The following AIF1L variants were observed in gnomAD, a reference collection of about 807,000 sequenced individuals.
AIF1L encodes allograft inflammatory factor 1 like.
AIF1L carries 12 observed loss-of-function variants against 20.7 expected under a neutral mutation model. The observed-to-expected ratio is 0.58, with a 90% CI of 0.37 to 0.94. The LOEUF is 0.94. AIF1L is among the 40% of genes least tolerant of loss of function. AIF1L has a pLI of 0.01. For synonymous variants in AIF1L, 76 were observed against 65.1 expected (o/e 1.17, Z -0.81); for missense variants, 173 against 185.3 (o/e 0.93, Z 0.39).
rs573021828 is a variant in AIF1L, at chr9:131,111,683, C to T, written c.160+20C>T. Reference sequence around the variant, plus strand: ...TCAAAGGTAAGCTGGGGCGGGCTGCCCTGCATTTATTCCTGGGGGAGGTGG... The same window carrying T: ...TCAAAGGTAAGCTGGGGCGGGCTGCTCTGCATTTATTCCTGGGGGAGGTGG... On this transcript the variant is annotated intron_variant, in intron 3 of 5. Transcript: ENST00000247291. The T allele has an allele frequency of 6.2e-7, 1 of 1,611,856 alleles. No homozygotes were observed. Among genetic ancestry groups the T allele is most frequent in the African/African-American group, 1.3e-5 (1 of 75,012 alleles).
intron 2 of AIF1L, among the ~76,000 whole-genome samples, chr9:131,101,137 C>T (rs1179042362): frequency 1.3e-5 from 2 of 152,070 alleles, no homozygotes; most frequent in East Asian, 3.9e-4. Flanking sequence ...ACCTCGTGAT[C>T]CGCCCCCCTC....
intron 2 of AIF1L, among the ~76,000 whole-genome samples, chr9:131,098,957 G>A (rs942828830): frequency 2.0e-5 from 3 of 152,190 alleles, no homozygotes; most frequent in Admixed American, 2.0e-4. Context: ...GAGGCGCCAG[G>A]ATCACACGGG....
At chr9:131,102,246 G>A (rs7030817) in intron 2 of AIF1L, among the ~76,000 whole-genome samples, 2,497 of 152,224 alleles carry the variant, frequency 0.016, 77 homozygotes, top group African/African-American at 0.058. Flanking sequence ...CATGTCATCT[G>A]CACTGGGAAG....
rs548343527 is a variant in AIF1L at position 131,117,811 on chromosome 9, G to A, written c.258G>A (p.Leu86=). 1 of 1,614,086 alleles carries A rather than the reference G, an allele frequency of 6.2e-7. No individual in the cohort carries two copies. Among genetic ancestry groups the A allele is most frequent in the African/African-American group, 1.3e-5 (1 of 75,046 alleles). Reference sequence around the variant, plus strand: ...AGCTTGGTGTCCCCAAGACCCACCTGGAGATGAAGAAGATGATCTCAGAGG... The same window carrying A: ...AGCTTGGTGTCCCCAAGACCCACCTAGAGATGAAGAAGATGATCTCAGAGG... ...MEKLGVPKTH[L]EMKKMISEVT... The change falls in exon 5 of 6, where the codon CTG becomes CTA. Residue 86 remains leucine, a synonymous_variant. Coordinates refer to ENST00000247291, the MANE Select transcript of AIF1L (RefSeq NM_031426.4).
chr9:131,105,112 T>G (rs1471147207), intron 2 of AIF1L, among the ~76,000 whole-genome samples: 1 of 152,116 alleles, frequency 6.6e-6, no homozygotes, highest in Admixed American at 6.5e-5. Context: ...GGGGGGAGGA[T>G]GCCTGCAGGG....
intron 3 of AIF1L, among the ~76,000 whole-genome samples, chr9:131,112,619 G>C (rs1480135609): frequency 6.6e-6 from 1 of 152,194 alleles, no homozygotes. Context: ...GGGCGGGGTT[G>C]TTGGCATGGG....
intron 2 of AIF1L, among the ~76,000 whole-genome samples, chr9:131,100,229 A>T (rs1830607764): frequency 6.6e-6 from 1 of 152,182 alleles, no homozygotes; most frequent in Non-Finnish European, 1.5e-5. Flanking sequence ...ATTATAAGGG[A>T]TTCAAGAGTA....
At position 131,120,749 on chromosome 9, in the gene AIF1L, G is replaced by C. The variant is rs1831118799; in HGVS notation, c.*427G>C. On this transcript the variant is annotated 3_prime_UTR_variant, in exon 6 of 6. Coordinates refer to ENST00000247291, the MANE Select transcript of AIF1L (RefSeq NM_031426.4). ...CCACTCTGAGAAGACCTTGGAGTAG[G>C]GACAAGGCTGCAGGGCCTCTTTCGG... is the stretch of plus-strand genomic sequence containing the variant. 1 of 319,898 alleles carries C rather than the reference G, an allele frequency of 3.1e-6. No individual in the cohort carries two copies. Among genetic ancestry groups the C allele is most frequent in the South Asian group, 9.4e-5 (1 of 10,668 alleles). 19.8% of individuals were successfully genotyped at this position (319,898 alleles called of 1,614,324 possible). A position where few individuals can be genotyped will look rare whatever the true frequency, so the allele number is the denominator to read the frequency against.
intron 2 of AIF1L, among the ~76,000 whole-genome samples, chr9:131,105,959 C>T (rs537855748): frequency 1.3e-4 from 20 of 152,104 alleles, no homozygotes; most frequent in African/African-American, 4.6e-4. Context: ...GCTGGGACTA[C>T]AGGCACGCAC....
chr9:131,120,087 G>A, intron 5 of AIF1L, 148 bp from the exon 6 acceptor site: 1 of 690,790 alleles, frequency 1.4e-6, no homozygotes, highest in Non-Finnish European at 2.4e-6. Flanking sequence ...CTGCTGTCTT[G>A]GGCTTCTGCA....
Position 131,096,607 on chromosome 9 carries a change from C to T in AIF1L, c.-23C>T, listed in dbSNP as rs1254080790. The T allele has an allele frequency of 1.3e-6, 2 of 1,484,680 alleles. No homozygotes were observed. The highest frequency in any genetic ancestry group is 2.9e-5 in the East Asian group (1 of 34,328). 92.0% of individuals were successfully genotyped at this position (1,484,680 alleles called of 1,614,324 possible). On this transcript the variant is annotated 5_prime_UTR_variant, in exon 1 of 6. Coordinates refer to ENST00000247291, the MANE Select transcript of AIF1L (RefSeq NM_031426.4). ...CTCGCCGCGTCCGCGAAGCCTGGAG[C>T]CGGCGGGAGCCCCGCGCTCGCCATG...
chr9:131,110,167 G>A (rs1830843276), intron 2 of AIF1L, among the ~76,000 whole-genome samples: 2 of 152,172 alleles, frequency 1.3e-5, no homozygotes, highest in Admixed American at 6.5e-5. Context: ...AGCTGAGATT[G>A]CATCACTGCA....
At chr9:131,101,125 T>G (rs1213249779) in intron 2 of AIF1L, among the ~76,000 whole-genome samples, 5 of 151,990 alleles carry the variant, frequency 3.3e-5, no homozygotes, top group Non-Finnish European at 7.4e-5. Flanking sequence ...CTCAAACCCC[T>G]GACCTCGTGA....
intron 2 of AIF1L, among the ~76,000 whole-genome samples, chr9:131,100,929 G>C (rs891853809): frequency 2.0e-5 from 3 of 152,070 alleles, no homozygotes; most frequent in Non-Finnish European, 4.4e-5. Context: ...ACGGCGTCTC[G>C]CTCTGTCACC....
chr9:131,106,549 G>A (rs898260908), intron 2 of AIF1L, among the ~76,000 whole-genome samples: 9 of 152,130 alleles, frequency 5.9e-5, no homozygotes, highest in African/African-American at 2.2e-4. Flanking sequence ...TTGGGAGGCC[G>A]AGGCAGGCAG....
At chr9:131,110,946 C>CG (rs1400124362) in intron 2 of AIF1L, among the ~76,000 whole-genome samples, 11 of 149,674 alleles carry the variant, frequency 7.3e-5, no homozygotes, top group South Asian at 2.2e-4. Context: ...GGGGTGGGAG[C>CG]GGGGGGATCA....
chr9:131,121,132 G>C lies in AIF1L; in HGVS notation c.*810G>C, dbSNP rs1030707056. 5 of 713,970 alleles carry C rather than the reference G, an allele frequency of 7.0e-6. No homozygotes were observed. The highest frequency in any genetic ancestry group is 2.0e-5 in the Admixed American group (1 of 49,554). The allele number at this position is 713,970 out of a possible 1,614,324, so 44.2% of individuals were successfully genotyped here. On this transcript the variant is annotated 3_prime_UTR_variant, in exon 6 of 6. Coordinates refer to ENST00000247291, the MANE Select transcript of AIF1L (RefSeq NM_031426.4). The stretch of plus-strand genomic sequence containing the variant: ...TTAGGGAGGTTACTGAGGGGACCAG[G>C]ATGGGAGAATGAGGAGTAAAATGCT...
At chr9:131,096,908 C>G in intron 2 of AIF1L, 45 bp downstream of exon 2, 1 of 1,493,140 alleles carries the variant, frequency 6.7e-7, no homozygotes, top group Non-Finnish European at 8.9e-7. Flanking sequence ...GAGCCGCGCG[C>G]TGCGCGGGTG....
intron 2 of AIF1L, among the ~76,000 whole-genome samples, chr9:131,102,073 C>A (rs1027030591): frequency 6.6e-6 from 1 of 152,046 alleles, no homozygotes; most frequent in African/African-American, 2.4e-5. Flanking sequence ...CCCACCACCA[C>A]GGCTAATTTT....
Sources: gnomAD v4.1 joint callset for allele counts (sites outside exome capture counted in the v4.1 genomes callset) on GRCh38, gnomAD v4.1.1 for gene constraint, MANE v1.5 for transcripts, NCBI Gene and HGNC (gene_info 2026-07-23, HGNC 2026-07-21) for gene names.